The following KLRG1 variants were observed in gnomAD, a reference collection of about 807,000 sequenced individuals.
KLRG1 encodes the protein killer cell lectin like receptor G1.
In KLRG1, 16 loss-of-function variants were observed where a neutral mutation model predicts 21.8. The ratio of observed to expected loss-of-function variants is 0.73; its 90% confidence interval spans 0.50 to 1.11. The LOEUF (loss-of-function observed/expected upper bound fraction) is 1.11, where lower values mean the gene tolerates loss of function less well. Among genes scored for constraint, KLRG1 ranks in the 50% most tolerant of loss-of-function variants. The probability of loss-of-function intolerance (pLI) is 0.00; values close to 1 mark genes in which losing one functional copy is unlikely to be tolerated. For missense variants in KLRG1, 173 were observed against 218.3 expected, an observed-to-expected ratio of 0.79 and a Z score of 1.31; for synonymous variants, 69 against 75.9, an observed-to-expected ratio of 0.91 and a Z score of 0.47.
At chr12:9,029,315 A>G in the KLRG1 span, among the ~76,000 whole-genome samples, 1 of 151,820 alleles carries the variant, frequency 6.6e-6, no homozygotes, top group Admixed American at 6.6e-5. Flanking sequence ...TCCTGGATTC[A>G]AGTGATTCTC....
the KLRG1 span, chr12:9,164,055 A>C: frequency 6.8e-7 from 1 of 1,478,508 alleles, no homozygotes; most frequent in Non-Finnish European, 9.2e-7. Context: ...CAAATAAAAG[A>C]GAGAATATGA....
At chr12:9,158,539 G>T in the KLRG1 span, 1 of 1,613,996 alleles carries the variant, frequency 6.2e-7, no homozygotes, top group Non-Finnish European at 8.5e-7. Flanking sequence ...ATGTAGGATC[G>T]AGCCTGGGCG....
chr12:9,042,614 T>C, the KLRG1 span, among the ~76,000 whole-genome samples: 8 of 152,340 alleles, frequency 5.3e-5, no homozygotes, highest in South Asian at 8.3e-4. Context: ...GGGACCTGTC[T>C]TATGATTTAT....
chr12:9,181,923 A>G, the KLRG1 span: 1 of 1,576,128 alleles, frequency 6.3e-7, no homozygotes, highest in Non-Finnish European at 8.7e-7. Flanking sequence ...AATAGATGGC[A>G]CCTACAGTAT....
At chr12:9,098,579 T>C in the KLRG1 span, 1 of 1,576,850 alleles carries the variant, frequency 6.3e-7, no homozygotes, top group South Asian at 1.2e-5. Context: ...ACGGCCCTTC[T>C]TGATTCCTGA....
At chr12:9,075,585 T>C in the KLRG1 span, among the ~76,000 whole-genome samples, 1 of 145,200 alleles carries the variant, frequency 6.9e-6, no homozygotes. Context: ...AGTGTTGAAC[T>C]TAGAAAATAA....
At chr12:9,160,617 G>T in the KLRG1 span, 1 of 842,372 alleles carries the variant, frequency 1.2e-6, no homozygotes, top group Non-Finnish European at 1.8e-6. Flanking sequence ...TACACAGAGT[G>T]TGACTTCCAG....
the KLRG1 span, among the ~76,000 whole-genome samples, chr12:9,204,552 C>T: frequency 2.6e-5 from 4 of 152,258 alleles, no homozygotes; most frequent in Non-Finnish European, 5.9e-5. Flanking sequence ...CTCTTAGGCT[C>T]CTCAGATACA....
the KLRG1 span, chr12:9,090,276 G>A: frequency 6.3e-7 from 1 of 1,592,744 alleles, no homozygotes; most frequent in Non-Finnish European, 8.6e-7. Flanking sequence ...TTTCCTGAAG[G>A]AAGTAGCACT....
the KLRG1 span, chr12:9,149,556 C>T: frequency 2.5e-6 from 4 of 1,611,952 alleles, no homozygotes; most frequent in South Asian, 4.4e-5. Context: ...GTGGTGAACT[C>T]TTACCTGTGC....
At chr12:9,103,134 G>C in the KLRG1 span, among the ~76,000 whole-genome samples, 7 of 152,104 alleles carry the variant, frequency 4.6e-5, no homozygotes, top group East Asian at 1.3e-3. Context: ...AATTTTTGGA[G>C]TATATATATT....
chr12:9,207,406 C>T, the KLRG1 span, among the ~76,000 whole-genome samples: 55 of 152,306 alleles, frequency 3.6e-4, no homozygotes, highest in African/African-American at 1.3e-3. Context: ...GGCCAGGGAC[C>T]TTAAATGGCC....
At chr12:8,999,041 CT>C (rs762459172) in intron 3 of KLRG1, among the ~76,000 whole-genome samples, 73 of 149,176 alleles carry the variant, frequency 4.9e-4, no homozygotes, top group African/African-American at 1.1e-3. Context: ...CTTATTATCT[CT>C]TTTTTTTTTC....
intron 1 of KLRG1, among the ~76,000 whole-genome samples, chr12:8,972,005 T>C (rs757219331): frequency 6.6e-6 from 1 of 152,352 alleles, no homozygotes; most frequent in East Asian, 1.9e-4. Context: ...AGCTTTTTAG[T>C]TTAATGAAAT....
chr12:9,105,516 AT>A, the KLRG1 span, among the ~76,000 whole-genome samples: 1 of 152,190 alleles, frequency 6.6e-6, no homozygotes, highest in Non-Finnish European at 1.5e-5. Context: ...TAACATTTAC[AT>A]TAAGAAAATG....
the KLRG1 span, among the ~76,000 whole-genome samples, chr12:9,094,056 G>A: frequency 2.0e-5 from 3 of 152,042 alleles, no homozygotes; most frequent in Non-Finnish European, 4.4e-5. Flanking sequence ...GGCTGCTGCC[G>A]CTGTGCTAAG....
chr12:9,009,384 T>C (rs1332547473), intron 4 of KLRG1, 42 bp from the exon 5 acceptor site: 1 of 1,610,088 alleles, frequency 6.2e-7, no homozygotes, highest in Non-Finnish European at 8.5e-7. Context: ...TCCTTTTCTG[T>C]GCATGCGGCC....
At chr12:9,188,497 A>G in the KLRG1 span, among the ~76,000 whole-genome samples, 1 of 152,216 alleles carries the variant, frequency 6.6e-6, no homozygotes, top group Non-Finnish European at 1.5e-5. Flanking sequence ...ACTCCTATTG[A>G]ACACAGTATT....
chr12:9,196,570 C>T, the KLRG1 span: 1 of 1,598,062 alleles, frequency 6.3e-7, no homozygotes, highest in Non-Finnish European at 8.6e-7. Context: ...ATTACTCACA[C>T]CTGTCCCCTC....
Sources: gnomAD v4.1 joint callset for allele counts (sites outside exome capture counted in the v4.1 genomes callset) on GRCh38, gnomAD v4.1.1 for gene constraint, MANE v1.5 for transcripts, NCBI Gene and HGNC (gene_info 2026-07-23, HGNC 2026-07-21) for gene names.